Variants in INTS7 observed in about 807,000 individuals in gnomAD.
INTS7 encodes the protein integrator complex subunit 7.
In INTS7, 46 loss-of-function variants were observed where a neutral mutation model predicts 109.2. The ratio of observed to expected loss-of-function variants is 0.42; its 90% CI spans 0.33 to 0.54. INTS7 has a LOEUF of 0.54. Ranked by LOEUF, INTS7 falls within the 20% of genes least tolerant of loss-of-function variation. The pLI is 0.07. For missense variants in INTS7, 929 were observed against 1,132.4 expected (o/e 0.82, Z 2.58); for synonymous variants, 412 against 402.9 (o/e 1.02, Z -0.27).
At chr1:212,014,622 T>A (rs1302670579) in intron 4 of INTS7, among the ~76,000 whole-genome samples, 1 of 137,318 alleles carries the variant, frequency 7.3e-6, no homozygotes, top group Non-Finnish European at 1.6e-5. Context: ...GCTGCCGCCA[T>A]CTCGGCTCAC....
intron 16 of INTS7, among the ~76,000 whole-genome samples, chr1:211,962,152 G>A (rs541353192): frequency 6.6e-6 from 1 of 150,548 alleles, no homozygotes; most frequent in African/African-American, 2.4e-5. Context: ...TACATCCATA[G>A]GCTCAAAATA....
intron 16 of INTS7, among the ~76,000 whole-genome samples, chr1:211,962,367 C>G (rs192681733): frequency 6.6e-6 from 1 of 151,406 alleles, no homozygotes; most frequent in Non-Finnish European, 1.5e-5. Context: ...AACACAGGAG[C>G]ACCCAGATTC....
intron 1 of INTS7, among the ~76,000 whole-genome samples, chr1:212,032,144 C>G (rs1460418643): frequency 6.6e-6 from 1 of 152,234 alleles, no homozygotes. Context: ...ATATCCTCAT[C>G]TAATCCATTA....
chr1:212,019,193 G>A lies in INTS7; in HGVS notation c.371+929C>T, dbSNP rs559228124. ...CTGAACCCAGGAGACAGAGGTTGCA[G>A]TGAGCCAAGATCACGCCACTGCCCT... On this transcript the variant is annotated intron_variant, in intron 3 of 19. Transcript: ENST00000366994. 3.3e-5 allele frequency among the ~76,000 whole-genome samples: 5 copies of A among 152,314 alleles called. No individual in the cohort carries two copies. The East Asian group carries it at 9.6e-4, about 29-fold the overall frequency.
intron 16 of INTS7, among the ~76,000 whole-genome samples, chr1:211,955,220 T>C (rs1663308711): frequency 1.3e-5 from 2 of 152,198 alleles, no homozygotes; most frequent in African/African-American, 2.4e-5. Context: ...ATAAGAATGC[T>C]TGTGATTTTT....
Position 211,966,386 on chromosome 1 carries a change from A to G in INTS7, c.2183+44T>C. The G allele has an allele frequency of 6.5e-6, 7 of 1,076,388 alleles. No homozygotes were observed. The African/African-American group carries it at 7.8e-5, about 12-fold the overall frequency. The allele number at this position is 1,076,388 out of a possible 1,614,324, so 66.7% of individuals were successfully genotyped here. A position where few individuals can be genotyped will look rare whatever the true frequency, so the allele number is the denominator to read the frequency against. On this transcript the variant is annotated intron_variant, in intron 16 of 19. Transcript: ENST00000366994. ...CTGATGATTAGGTAAGACAATGTAT[A>G]GAAAGTGTTCTGTAACGCCAACTAT...
chr1:211,941,857 CTGCTGT>C lies in INTS7; in HGVS notation c.2850_2855del (p.Gln954_Gln955del). 1.2e-6 allele frequency: 2 copies of C among 1,614,146 alleles called. No individual in the cohort carries two copies. The highest frequency in any genetic ancestry group is 1.7e-6 in the Non-Finnish European group (2 of 1,180,002). ...GTGTGTAGGCATTGCGTTGCTGCTG[CTGCTGT>C]AATGGCTGCTGGGCTTGCTGCTGTT... On this transcript the variant is annotated inframe_deletion, in exon 20 of 20. Transcript: ENST00000366994.
rs531514857 is a variant in INTS7, at chr1:212,002,619, G to C, written c.879+4020C>G. Among the ~76,000 whole-genome samples, 17 of 152,218 alleles carry C rather than the reference G, an allele frequency of 1.1e-4. No individual in the cohort carries two copies. In the East Asian group the frequency reaches 1.9e-3, roughly 17 times the overall value. ...TCCTGATAATACCCTTCCTTTAGGG[G>C]CCCACAAAATTGACATTCCCTTCTT... On this transcript the variant is annotated intron_variant, in intron 7 of 19. Transcript: ENST00000366994.
At chr1:212,026,259 T>C (rs1666911997) in intron 1 of INTS7, among the ~76,000 whole-genome samples, 1 of 152,240 alleles carries the variant, frequency 6.6e-6, no homozygotes, top group Admixed American at 6.5e-5. Context: ...CATTTACTAA[T>C]GGGTGATGTT....
intron 1 of INTS7, among the ~76,000 whole-genome samples, chr1:212,029,825 T>C (rs540981422): frequency 7.2e-5 from 11 of 152,134 alleles, no homozygotes; most frequent in Non-Finnish European, 1.2e-4. Flanking sequence ...TGGGGGGACA[T>C]GGGTAGAAAC....
intron 7 of INTS7, among the ~76,000 whole-genome samples, chr1:211,994,452 T>A (rs1665284655): frequency 6.9e-6 from 1 of 144,854 alleles, no homozygotes; most frequent in African/African-American, 2.6e-5. Flanking sequence ...AGATGGAGTG[T>A]TGCTTTTGTC....
intron 19 of INTS7, among the ~76,000 whole-genome samples, chr1:211,943,328 A>G (rs949280151): frequency 6.6e-6 from 1 of 151,738 alleles, no homozygotes; most frequent in Non-Finnish European, 1.5e-5. Flanking sequence ...GCAGAAGACC[A>G]TAGCTTCTAG....
chr1:211,977,349 C>T (rs1461239126), intron 11 of INTS7, among the ~76,000 whole-genome samples: 3 of 152,118 alleles, frequency 2.0e-5, no homozygotes, highest in Non-Finnish European at 4.4e-5. Flanking sequence ...TAATTTAAGA[C>T]AATCTTAAGG....
At chr1:212,009,131 G>A (rs889108959) in intron 5 of INTS7, among the ~76,000 whole-genome samples, 8 of 152,158 alleles carry the variant, frequency 5.3e-5, no homozygotes, top group African/African-American at 1.9e-4. Flanking sequence ...CCAAATGTCA[G>A]GATTCTGTTC....
intron 4 of INTS7, among the ~76,000 whole-genome samples, chr1:212,015,407 C>T (rs1456168807): frequency 6.6e-6 from 1 of 151,764 alleles, no homozygotes; most frequent in Non-Finnish European, 1.5e-5. Flanking sequence ...ATAACCTTAC[C>T]CCCAACCCCC....
intron 17 of INTS7, among the ~76,000 whole-genome samples, chr1:211,947,239 C>CT (rs1309529462): frequency 6.6e-6 from 1 of 152,154 alleles, no homozygotes; most frequent in African/African-American, 2.4e-5. Flanking sequence ...TCCTGAAACT[C>CT]TAATAAAATA....
Position 212,006,723 on chromosome 1 carries a change from C to T in INTS7, c.795G>A (p.Arg265=), listed in dbSNP as rs1665927445. 1.2e-6 allele frequency: 2 copies of T among 1,605,810 alleles called. No individual in the cohort carries two copies. Among genetic ancestry groups the T allele is most frequent in the Non-Finnish European group, 1.7e-6 (2 of 1,174,264 alleles). Residue 265 remains arginine (R), a synonymous_variant, in exon 7 of 20, where the codon AGG becomes AGA. Coordinates refer to ENST00000366994, the MANE Select transcript of INTS7 (RefSeq NM_015434.4). ...GAATAGCAAGTCTCTTTACTGCCTT[C>T]CTGGGATCATTCTTCAAATACTGCA... ...LLLQYLKNDP[R]KAVKRLAIQD...
At chr1:212,015,005 G>A (rs1380879710) in intron 4 of INTS7, among the ~76,000 whole-genome samples, 1 of 151,526 alleles carries the variant, frequency 6.6e-6, no homozygotes, top group Non-Finnish European at 1.5e-5. Flanking sequence ...CATCTGAGAA[G>A]TGAGGAGCCC....
intron 7 of INTS7, among the ~76,000 whole-genome samples, chr1:212,000,757 A>C (rs1333404588): frequency 1.3e-5 from 2 of 152,256 alleles, no homozygotes; most frequent in East Asian, 1.9e-4. Context: ...ACAAAACAAA[A>C]CCCAAAAAAA....
Sources: gnomAD v4.1 joint callset for allele counts (sites outside exome capture counted in the v4.1 genomes callset) on GRCh38, gnomAD v4.1.1 for gene constraint, MANE v1.5 for transcripts, NCBI Gene and HGNC (gene_info 2026-07-23, HGNC 2026-07-21) for gene names.